FOXN3: variants seen among roughly 807,000 people sequenced by gnomAD.
The protein encoded by FOXN3 is forkhead box protein N3.
In FOXN3, 7 loss-of-function variants were observed where a neutral mutation model predicts 38.4. The ratio of observed to expected loss-of-function variants is 0.18; its 90% CI spans 0.10 to 0.34. FOXN3 has a LOEUF of 0.34. Among genes scored for constraint, FOXN3 ranks in the 10% least tolerant of loss-of-function variants. FOXN3 has a pLI of 1.00. For synonymous variants in FOXN3, 230 were observed against 242.2 expected (o/e 0.95, Z 0.47); for missense variants, 456 against 613.4 (o/e 0.74, Z 2.71).
chr14:89,346,288 T>A (rs1358273334), intron 3 of FOXN3, among the ~76,000 whole-genome samples: 1 of 152,160 alleles, frequency 6.6e-6, no homozygotes, highest in Non-Finnish European at 1.5e-5. Flanking sequence ...CACAGTTAAT[T>A]CATATTTTGC....
At chr14:89,478,856 C>T (rs1184706117) in intron 1 of FOXN3, among the ~76,000 whole-genome samples, 3 of 132,224 alleles carry the variant, frequency 2.3e-5, no homozygotes, top group Non-Finnish European at 4.6e-5. Flanking sequence ...CGCTTCAACC[C>T]AGGAGGCGGA....
intron 1 of FOXN3, among the ~76,000 whole-genome samples, chr14:89,461,068 TCACACC>T (rs1892837862): frequency 6.7e-6 from 1 of 149,636 alleles, no homozygotes; most frequent in East Asian, 2.0e-4. Flanking sequence ...GCGCAGTGGC[TCACACC>T]TGTAATCCCA....
intron 1 of FOXN3, among the ~76,000 whole-genome samples, chr14:89,506,158 G>T (rs1893925874): frequency 1.1e-5 from 1 of 90,802 alleles, no homozygotes; most frequent in Non-Finnish European, 2.7e-5. Flanking sequence ...GAAGTGAGGA[G>T]CCCCTCTGCC....
chr14:89,247,110 C>G, intron 4 of FOXN3, among the ~76,000 whole-genome samples: 1 of 152,110 alleles, frequency 6.6e-6, no homozygotes, highest in Middle Eastern at 3.2e-3. Context: ...GTCCATCCAT[C>G]TGAACACCCG....
chr14:89,458,195 C>A (rs1892766905), intron 1 of FOXN3, among the ~76,000 whole-genome samples: 1 of 152,146 alleles, frequency 6.6e-6, no homozygotes, highest in African/African-American at 2.4e-5. Flanking sequence ...CTTCTCCACC[C>A]AGGCCCTCTA....
At position 89,158,517 on chromosome 14, in the gene FOXN3, T is replaced by C. The variant is rs1228221590; in HGVS notation, c.*3897A>G. The C allele has an allele frequency of 6.6e-6, 1 of 152,620 alleles. No individual in the cohort carries two copies. The highest frequency in any genetic ancestry group is 2.4e-5 in the African/African-American group (1 of 41,434). The allele number at this position is 152,620 out of a possible 1,614,324, so 9.5% of individuals were successfully genotyped here. On this transcript the variant is annotated 3_prime_UTR_variant, in exon 6 of 6. Coordinates refer to ENST00000557258, the MANE Select transcript of FOXN3 (RefSeq NM_005197.4). ...GTTTTCTCCAACCACCAGTGAAATA[T>C]GGGTTTGGTTCATTTTAGTTTCAGA...
chr14:89,369,301 C>T (rs907391277), intron 2 of FOXN3, among the ~76,000 whole-genome samples: 10 of 152,196 alleles, frequency 6.6e-5, no homozygotes, highest in Non-Finnish European at 1.2e-4. Context: ...TTAGAGTACA[C>T]ACAAACATCT....
At chr14:89,556,688 C>G (rs1477029390) in intron 1 of FOXN3, among the ~76,000 whole-genome samples, 1 of 152,192 alleles carries the variant, frequency 6.6e-6, no homozygotes, top group Non-Finnish European at 1.5e-5. Context: ...GGTAACAAGT[C>G]ATGTGGGCCT....
chr14:89,331,680 A>G (rs540200595), intron 3 of FOXN3, among the ~76,000 whole-genome samples: 3 of 152,362 alleles, frequency 2.0e-5, no homozygotes, highest in African/African-American at 7.2e-5. Context: ...TTTGGCCACC[A>G]TTTATAGTAA....
intron 4 of FOXN3, among the ~76,000 whole-genome samples, chr14:89,231,102 T>C (rs751363507): frequency 3.9e-5 from 6 of 152,182 alleles, no homozygotes; most frequent in Non-Finnish European, 7.4e-5. Context: ...TTTTTTTGCA[T>C]TGACTTACCT....
chr14:89,319,376 G>C (rs1295824952), intron 3 of FOXN3, among the ~76,000 whole-genome samples: 1 of 152,124 alleles, frequency 6.6e-6, no homozygotes, highest in Admixed American at 6.5e-5. Flanking sequence ...CCCCACCCAG[G>C]AAAGTCACAC....
At position 89,511,264 on chromosome 14, in the gene FOXN3, T is replaced by TTCCTTCCTTCC. The variant is rs1566681365; in HGVS notation, c.-14-98775_-14-98774insGGAAGGAAGGA. Among the ~76,000 whole-genome samples, 62 of 26,968 alleles carry TTCCTTCCTTCC rather than the reference T, an allele frequency of 2.3e-3. 12 individuals are homozygous for TTCCTTCCTTCC. Among genetic ancestry groups the TTCCTTCCTTCC allele is most frequent in the African/African-American group, 4.7e-3 (54 of 11,588 alleles). 17.7% of individuals were successfully genotyped at this position (26,968 alleles called of 152,430 possible). ...TTTCTTTCTTTTCTTTCTTTCTTTCTTTCTTTCTTTCTTTCTTTCTTTCTT... is the reference window on the plus strand; with the variant it reads ...TTTCTTTCTTTTCTTTCTTTCTTTCTTCCTTCCTTCCTTCTTTCTTTCTTTCTTTCTTTCTT... On this transcript the variant is annotated intron_variant, in intron 1 of 6. Transcript: ENST00000345097.
intron 1 of FOXN3, among the ~76,000 whole-genome samples, chr14:89,450,861 TGCATG>T (rs1157654047): frequency 2.0e-5 from 3 of 152,172 alleles, no homozygotes. Flanking sequence ...CCCTGTGCCT[TGCATG>T]GAAATAACTT....
At chr14:89,313,404 G>A (rs1011789831) in intron 3 of FOXN3, among the ~76,000 whole-genome samples, 2 of 151,970 alleles carry the variant, frequency 1.3e-5, no homozygotes, top group South Asian at 2.1e-4. Flanking sequence ...CCTAAAATAC[G>A]AAAATTAGCT....
intron 3 of FOXN3, among the ~76,000 whole-genome samples, chr14:89,318,429 G>A (rs1887799157): frequency 6.6e-6 from 1 of 152,068 alleles, no homozygotes; most frequent in African/African-American, 2.4e-5. Flanking sequence ...ACAGTACTGG[G>A]ATTACAGGTG....
chr14:89,245,899 G>A (rs1885281348), intron 4 of FOXN3, among the ~76,000 whole-genome samples: 1 of 152,056 alleles, frequency 6.6e-6, no homozygotes, highest in Admixed American at 6.6e-5. Flanking sequence ...CCGCAGCCCT[G>A]TGACACTTGC....
chr14:89,192,040 CTATT>C (rs1204122706), intron 4 of FOXN3, among the ~76,000 whole-genome samples: 9 of 143,362 alleles, frequency 6.3e-5, no homozygotes, highest in Non-Finnish European at 9.0e-5. Flanking sequence ...CATATATAAA[CTATT>C]ATATATAATA....
Position 89,157,631 on chromosome 14 carries a change from C to T in FOXN3, c.*4783G>A, listed in dbSNP as rs1308344690. 2.0e-5 allele frequency: 3 copies of T among 152,606 alleles called. No homozygotes were observed. The highest frequency in any genetic ancestry group is 4.4e-5 in the Non-Finnish European group (3 of 68,042). 9.5% of individuals were successfully genotyped at this position (152,606 alleles called of 1,614,324 possible). Reference sequence around the variant, plus strand: ...AAAGGAAAAAAAGACACCATTACAGCTTTGTAACTGTGTTAACTGCAATAT... The same window carrying T: ...AAAGGAAAAAAAGACACCATTACAGTTTTGTAACTGTGTTAACTGCAATAT... On this transcript the variant is annotated 3_prime_UTR_variant, in exon 6 of 6. Coordinates refer to ENST00000557258, the MANE Select transcript of FOXN3 (RefSeq NM_005197.4).
chr14:89,292,797 G>A (rs759363), intron 3 of FOXN3, among the ~76,000 whole-genome samples: 6 of 151,838 alleles, frequency 4.0e-5, no homozygotes, highest in African/African-American at 9.7e-5. Context: ...AGACTAAGAC[G>A]AGCGGTCACT....
Sources: allele counts gnomAD v4.1 joint callset (sites outside exome capture counted in the v4.1 genomes callset), GRCh38; gene constraint gnomAD v4.1.1; transcripts MANE v1.5; gene names NCBI Gene and HGNC (gene_info 2026-07-23, HGNC 2026-07-21).